UGT2B4: variants seen among roughly 807,000 people sequenced by gnomAD.
UGT2B4 encodes the protein UDP-glucuronosyltransferase 2B4.
Under a neutral mutation model 49.8 loss-of-function variants are expected in UGT2B4, and 49 were observed. That is an observed-to-expected ratio of 0.98 (90% confidence interval 0.78 to 1.25). The LOEUF (loss-of-function observed/expected upper bound fraction) is 1.25, where lower values mean the gene tolerates loss of function less well. UGT2B4 is among the 50% of genes most tolerant of loss of function. The probability of loss-of-function intolerance (pLI) is 0.00; values close to 1 mark genes in which losing one functional copy is unlikely to be tolerated. For synonymous variants in UGT2B4, 246 were observed against 217.7 expected (o/e 1.13, Z -1.14); for missense variants, 729 against 627.7 (o/e 1.16, Z -1.73).
At chr4:69,501,449 G>A (rs1728316706) in intron 1 of UGT2B4, among the ~76,000 whole-genome samples, 1 of 152,134 alleles carries the variant, frequency 6.6e-6, no homozygotes, top group Non-Finnish European at 1.5e-5. Context: ...CAAGAGGTGT[G>A]GGCTGCCATC....
chr4:69,520,306 C>T (rs908933884), intron 1 of UGT2B4, among the ~76,000 whole-genome samples: 1 of 152,260 alleles, frequency 6.6e-6, no homozygotes, highest in African/African-American at 2.4e-5. Context: ...TGACAGCTCT[C>T]AGCCCGTACG....
chr4:69,504,304 C>T (rs541397843), intron 1 of UGT2B4, among the ~76,000 whole-genome samples: 2 of 151,952 alleles, frequency 1.3e-5, no homozygotes, highest in African/African-American at 2.4e-5. Context: ...ACATTGTAAC[C>T]CAAAAACAAG....
intron 1 of UGT2B4, among the ~76,000 whole-genome samples, chr4:69,502,091 C>CTTTCTTTCTTTCTTTCTTTCTT (rs1164693410): frequency 1.0e-4 from 11 of 108,520 alleles, no homozygotes; most frequent in East Asian, 5.2e-4. Flanking sequence ...TTCTTTCTCT[C>CTTTCTTTCTTTCTTTCTTTCTT]TCTTTCTTTC....
chr4:69,520,375 T>C (rs1728820616), intron 1 of UGT2B4, among the ~76,000 whole-genome samples: 1 of 152,214 alleles, frequency 6.6e-6, no homozygotes, highest in African/African-American at 2.4e-5. Context: ...ACGGACTCAG[T>C]AGGAAACAGG....
intron 1 of UGT2B4, among the ~76,000 whole-genome samples, chr4:69,509,143 A>G (rs567209679): frequency 2.0e-4 from 29 of 148,516 alleles, no homozygotes; most frequent in Non-Finnish European, 4.0e-4. Context: ...CACATATGGC[A>G]GGATTGTTAG....
chr4:69,488,104 C>T (rs1727849002), intron 3 of UGT2B4, among the ~76,000 whole-genome samples: 1 of 152,098 alleles, frequency 6.6e-6, no homozygotes, highest in African/African-American at 2.4e-5. Context: ...TTATCAAGAA[C>T]TACTTCCAAG....
intron 1 of UGT2B4, among the ~76,000 whole-genome samples, chr4:69,518,873 A>T (rs1728788407): frequency 6.6e-6 from 1 of 152,226 alleles, no homozygotes; most frequent in Non-Finnish European, 1.5e-5. Context: ...TATTTAGTAC[A>T]GGGTGTTCAG....
At chr4:69,504,085 C>A (rs993840324) in intron 1 of UGT2B4, among the ~76,000 whole-genome samples, 1 of 152,100 alleles carries the variant, frequency 6.6e-6, no homozygotes, top group Non-Finnish European at 1.5e-5. Context: ...CAAAGGTCAG[C>A]AACCTCAAAA....
At chr4:69,488,231 A>G (rs546211552) in intron 3 of UGT2B4, among the ~76,000 whole-genome samples, 63 of 152,230 alleles carry the variant, frequency 4.1e-4, no homozygotes, top group Non-Finnish European at 7.4e-4. Flanking sequence ...TAAAAATACA[A>G]CTCTTGAATA....
chr4:69,524,226 A>C (rs1299767664), intron 1 of UGT2B4, among the ~76,000 whole-genome samples: 1 of 152,142 alleles, frequency 6.6e-6, no homozygotes, highest in African/African-American at 2.4e-5. Flanking sequence ...CAAGAGGCCT[A>C]GATTTCAGCC....
At chr4:69,498,722 TATC>T (rs754381654), upstream of UGT2B4, among the ~76,000 whole-genome samples, 4 of 152,150 alleles carry the variant, frequency 2.6e-5, no homozygotes, top group Non-Finnish European at 5.9e-5. Flanking sequence ...TATCCCCTTT[TATC>T]ATTTTTTATT....
At position 69,495,788 on chromosome 4, in the gene UGT2B4, T is replaced by C. The variant is rs756268672; in HGVS notation, c.74A>G (p.Lys25Arg). 2 of 1,613,730 alleles carry C rather than the reference T, an allele frequency of 1.2e-6. No homozygotes were observed. Among genetic ancestry groups the C allele is most frequent in the Non-Finnish European group, 8.5e-7 (1 of 1,179,858 alleles). The change falls in exon 1 of 6, where the codon AAG becomes AGG. Residue 25 changes from lysine to arginine, a missense_variant. By Grantham distance (26) the Lys-to-Arg change is conservative. Coordinates refer to ENST00000305107, the MANE Select transcript of UGT2B4 (RefSeq NM_021139.3). Reference sequence around the variant, plus strand: ...GAATTCTGTGGGCCACACCAGCACCTTTCCACAACTCCCAGAGCTAAAGTA... The same window carrying C: ...GAATTCTGTGGGCCACACCAGCACCCTTCCACAACTCCCAGAGCTAAAGTA... ...SCYFSSGSCG[K>R]VLVWPTEFSH...
chr4:69,516,632 G>C (rs964845747), intron 1 of UGT2B4, among the ~76,000 whole-genome samples: 2 of 151,796 alleles, frequency 1.3e-5, no homozygotes, highest in Non-Finnish European at 2.9e-5. Flanking sequence ...TTTAAGACGG[G>C]GTCTTGCTCT....
At chr4:69,507,835 A>G (rs1238124318) in intron 1 of UGT2B4, among the ~76,000 whole-genome samples, 2 of 152,208 alleles carry the variant, frequency 1.3e-5, no homozygotes, top group Non-Finnish European at 2.9e-5. Flanking sequence ...AAGCAATTAC[A>G]ATAAAAGCAA....
chr4:69,498,956 A>G (rs1053904073), upstream of UGT2B4, among the ~76,000 whole-genome samples: 1 of 151,838 alleles, frequency 6.6e-6, no homozygotes. Context: ...GTTGCGATAT[A>G]TGTGTCAATT....
At chr4:69,517,816 G>GATAC (rs1343409750) in intron 1 of UGT2B4, 3 of 172,500 alleles carry the variant, frequency 1.7e-5, no homozygotes, top group Non-Finnish European at 4.3e-5. Context: ...CATAGGCACA[G>GATAC]ATACATAGGA....
intron 1 of UGT2B4, among the ~76,000 whole-genome samples, chr4:69,505,105 A>G (rs576971606): frequency 2.0e-5 from 3 of 152,306 alleles, no homozygotes; most frequent in Admixed American, 1.3e-4. Context: ...AACATTTCCA[A>G]CCATTACAAA....
At chr4:69,513,642 A>G (rs895868088) in intron 1 of UGT2B4, among the ~76,000 whole-genome samples, 1 of 152,176 alleles carries the variant, frequency 6.6e-6, no homozygotes, top group African/African-American at 2.4e-5. Flanking sequence ...TAAGAATAGC[A>G]TTGAATCTCT....
chr4:69,525,619 T>C (rs1728963023), intron 1 of UGT2B4: 3 of 998,578 alleles, frequency 3.0e-6, no homozygotes, highest in African/African-American at 1.7e-5. Context: ...ATAGATTATC[T>C]ACTCAGGTAT....
Sources: gnomAD v4.1 joint callset for allele counts (sites outside exome capture counted in the v4.1 genomes callset) on GRCh38, gnomAD v4.1.1 for gene constraint, MANE v1.5 for transcripts, NCBI Gene and HGNC (gene_info 2026-07-23, HGNC 2026-07-21) for gene names.